CSMD1: variants seen among roughly 807,000 people sequenced by gnomAD.
CSMD1 encodes CUB and Sushi multiple domains 1.
CSMD1 carries 213 observed loss-of-function variants against 417.5 expected under a neutral mutation model. That is an observed-to-expected ratio of 0.51 (90% CI 0.46 to 0.57). The LOEUF is 0.57. CSMD1 is among the 20% of genes least tolerant of loss of function. The pLI is 0.00. For synonymous variants in CSMD1, 2,862 were observed against 1,736.8 expected (o/e 1.65, Z -16.11); for missense variants, 6,923 against 4,529.7 (o/e 1.53, Z -15.17).
intron 52 of CSMD1, among the ~76,000 whole-genome samples, chr8:3,015,458 T>G (rs1274022475): frequency 2.0e-5 from 3 of 152,056 alleles, no homozygotes; most frequent in African/African-American, 7.2e-5. Flanking sequence ...TTTTTAGAGT[T>G]GAAGCCATGA....
intron 1 of CSMD1, among the ~76,000 whole-genome samples, chr8:4,889,400 G>C (rs1396922829): frequency 6.6e-6 from 1 of 152,148 alleles, no homozygotes; most frequent in Non-Finnish European, 1.5e-5. Context: ...CAAATGCAGT[G>C]AGTAAGCCTG....
intron 5 of CSMD1, among the ~76,000 whole-genome samples, chr8:3,952,013 G>A (rs577863987): frequency 7.2e-5 from 11 of 152,278 alleles, no homozygotes; most frequent in Non-Finnish European, 1.6e-4. Context: ...CACCATTTAT[G>A]TCCAAGATGG....
chr8:4,531,626 A>T (rs1796822478), intron 2 of CSMD1, among the ~76,000 whole-genome samples: 1 of 152,108 alleles, frequency 6.6e-6, no homozygotes, highest in South Asian at 2.1e-4. Context: ...TCAGGCCCTC[A>T]TGGTGCACCA....
At chr8:3,625,289 C>G (rs1168168144) in intron 7 of CSMD1, among the ~76,000 whole-genome samples, 2 of 152,222 alleles carry the variant, frequency 1.3e-5, no homozygotes, top group African/African-American at 4.8e-5. Flanking sequence ...GCACATATTG[C>G]TTTTATACGT....
At chr8:3,363,479 G>C (rs1249105622) in intron 20 of CSMD1, among the ~76,000 whole-genome samples, 5 of 150,698 alleles carry the variant, frequency 3.3e-5, no homozygotes, top group Non-Finnish European at 5.9e-5. Flanking sequence ...ACCTGGACAG[G>C]AGGAGTTTTG....
chr8:3,545,990 T>A (rs1359688764), intron 10 of CSMD1, among the ~76,000 whole-genome samples: 2 of 152,208 alleles, frequency 1.3e-5, no homozygotes, highest in East Asian at 1.9e-4. Context: ...TTAGTCAACA[T>A]ATTGATGAGT....
chr8:3,623,322 C>A (rs1233753121), intron 7 of CSMD1, among the ~76,000 whole-genome samples: 1 of 152,128 alleles, frequency 6.6e-6, no homozygotes, highest in Non-Finnish European at 1.5e-5. Context: ...TGAGGACATG[C>A]CATGTAAGTA....
intron 5 of CSMD1, among the ~76,000 whole-genome samples, chr8:3,995,336 T>G (rs1815122813): frequency 6.6e-6 from 1 of 152,180 alleles, no homozygotes; most frequent in East Asian, 1.9e-4. Context: ...GTTAAGATAC[T>G]TCTTTTGACT....
At chr8:4,006,198 G>A (rs903752816) in intron 4 of CSMD1, among the ~76,000 whole-genome samples, 7 of 152,130 alleles carry the variant, frequency 4.6e-5, no homozygotes, top group Non-Finnish European at 1.0e-4. Context: ...TCATGCAGTT[G>A]CTGAGAATTC....
intron 7 of CSMD1, among the ~76,000 whole-genome samples, chr8:3,671,378 T>G (rs1486769598): frequency 6.8e-6 from 1 of 147,678 alleles, no homozygotes; most frequent in Non-Finnish European, 1.5e-5. Context: ...CCTGAAAACT[T>G]TTATATCTCA....
chr8:3,627,314 T>C (rs1308492486), intron 7 of CSMD1, among the ~76,000 whole-genome samples: 1 of 152,156 alleles, frequency 6.6e-6, no homozygotes, highest in East Asian at 1.9e-4. Flanking sequence ...AAGTAAAATT[T>C]AACACGTGAT....
At chr8:3,097,062 G>A in intron 46 of CSMD1, 25 bp from the exon 47 acceptor site, 1 of 1,488,442 alleles carries the variant, frequency 6.7e-7, no homozygotes, top group Non-Finnish European at 9.0e-7. Context: ...ACCAGCAAAA[G>A]TTTGCTTTAA....
At chr8:4,359,345 A>G (rs1010963419) in intron 3 of CSMD1, among the ~76,000 whole-genome samples, 18 of 152,224 alleles carry the variant, frequency 1.2e-4, no homozygotes, top group Non-Finnish European at 2.1e-4. Flanking sequence ...CAACATATCT[A>G]AACACTATAA....
At chr8:3,771,972 G>C (rs149879692) in intron 5 of CSMD1, among the ~76,000 whole-genome samples, 178 of 151,992 alleles carry the variant, frequency 1.2e-3, no homozygotes, top group African/African-American at 4.2e-3. Context: ...AGCAATTACA[G>C]CATTTATCCA....
rs564313816 is a variant in CSMD1, at chr8:3,996,308, A to G, written c.818+1595T>C. The stretch of plus-strand genomic sequence containing the variant: ...ATATAACTTCTGAGAATGAGTCCCT[A>G]TATATTTTATACTTCAATTATTTTC... On this transcript the variant is annotated intron_variant, in intron 5 of 69. Transcript: ENST00000635120. 1.1e-3 allele frequency among the ~76,000 whole-genome samples: 171 copies of G among 152,338 alleles called. 1 individual carries two copies. The highest frequency in any genetic ancestry group is 4.0e-3 in the African/African-American group (168 of 41,576).
Position 4,636,536 on chromosome 8 carries a change from T to G in CSMD1, c.302+806A>C, listed in dbSNP as rs539421174. On this transcript the variant is annotated intron_variant, in intron 2 of 69. Transcript: ENST00000635120. Reference sequence around the variant, plus strand: ...AACATAAGGGTTCATTTTGTTCTGATTAGCTGAATTGTACTCAAGAATTTA... The same window carrying G: ...AACATAAGGGTTCATTTTGTTCTGAGTAGCTGAATTGTACTCAAGAATTTA... Among the ~76,000 whole-genome samples the G allele has an allele frequency of 5.9e-5, 9 of 152,318 alleles. No homozygotes were observed. The East Asian group carries it at 1.7e-3, about 29-fold the overall frequency.
intron 12 of CSMD1, among the ~76,000 whole-genome samples, chr8:3,414,968 G>A (rs1813039510): frequency 6.6e-6 from 1 of 152,084 alleles, no homozygotes; most frequent in African/African-American, 2.4e-5. Flanking sequence ...TACTTTTTGT[G>A]CTTTACTGTA....
At chr8:3,241,699 G>A (rs1799538845) in intron 26 of CSMD1, among the ~76,000 whole-genome samples, 1 of 152,170 alleles carries the variant, frequency 6.6e-6, no homozygotes, top group South Asian at 2.1e-4. Flanking sequence ...TGGGGGAGGT[G>A]TTTCTGGAGG....
intron 1 of CSMD1, among the ~76,000 whole-genome samples, chr8:4,687,522 G>A (rs527652053): frequency 3.9e-5 from 6 of 152,154 alleles, no homozygotes; most frequent in African/African-American, 1.4e-4. Context: ...TCTCTGGGAA[G>A]GTTTCTTGGT....
Sources: gnomAD v4.1 joint callset for allele counts (sites outside exome capture counted in the v4.1 genomes callset) on GRCh38, gnomAD v4.1.1 for gene constraint, MANE v1.5 for transcripts, NCBI Gene and HGNC (gene_info 2026-07-23, HGNC 2026-07-21) for gene names.